JADE1: variants seen among roughly 807,000 people sequenced by gnomAD.
The protein encoded by JADE1 is jade family PHD finger 1.
A neutral mutation model predicts 81.8 loss-of-function variants in JADE1; 14 were observed. That is an observed-to-expected ratio of 0.17 (90% confidence interval 0.11 to 0.27). JADE1 has a LOEUF of 0.27. Among genes scored for constraint, JADE1 ranks in the 10% least tolerant of loss-of-function variants. The pLI is 1.00. For missense variants in JADE1, 690 were observed against 1,047.9 expected, an observed-to-expected ratio of 0.66 and a Z score of 4.71; for synonymous variants, 353 against 391.9, an observed-to-expected ratio of 0.90 and a Z score of 1.17.
At chr4:128,853,549 C>G (rs1473889801) in intron 6 of JADE1, among the ~76,000 whole-genome samples, 1 of 152,202 alleles carries the variant, frequency 6.6e-6, no homozygotes, top group African/African-American at 2.4e-5. Flanking sequence ...TTATGACAAT[C>G]TCAGTGCCTC....
intron 1 of JADE1, among the ~76,000 whole-genome samples, chr4:128,824,695 A>G (rs1727889124): frequency 6.6e-6 from 1 of 152,232 alleles, no homozygotes; most frequent in Non-Finnish European, 1.5e-5. Flanking sequence ...CCAGTAGGTT[A>G]TTTTAATACA....
At position 128,829,107 on chromosome 4, in the gene JADE1, C is replaced by T. The variant is rs527385029; in HGVS notation, c.-26-2626C>T. Among the ~76,000 whole-genome samples the T allele has an allele frequency of 5.3e-5, 8 of 152,276 alleles. No individual in the cohort carries two copies. The East Asian group carries it at 5.8e-4, about 11-fold the overall frequency. On this transcript the variant is annotated intron_variant, in intron 1 of 10. Transcript: ENST00000226319. Reference sequence around the variant, plus strand: ...CTAGAAGGTTGGAGAGCTTACCTGTCTGCAGTTGGTGTTTTTGGCACACAC... The same window carrying T: ...CTAGAAGGTTGGAGAGCTTACCTGTTTGCAGTTGGTGTTTTTGGCACACAC...
At chr4:128,863,411 G>T in intron 9 of JADE1, 1 of 985,616 alleles carries the variant, frequency 1.0e-6, no homozygotes, top group Non-Finnish European at 1.2e-6. Context: ...CTGAAACAGT[G>T]TAGGGAAAGA....
intron 2 of JADE1, among the ~76,000 whole-genome samples, chr4:128,832,612 C>G (rs1728646833): frequency 6.6e-6 from 1 of 152,176 alleles, no homozygotes; most frequent in East Asian, 1.9e-4. Flanking sequence ...AAGAAGAGCT[C>G]TGATGTGAAA....
At chr4:128,835,959 C>A (rs1051795147) in intron 2 of JADE1, among the ~76,000 whole-genome samples, 1 of 152,196 alleles carries the variant, frequency 6.6e-6, no homozygotes, top group African/African-American at 2.4e-5. Context: ...CCTGGAGGCC[C>A]AGCCCTGCAG....
chr4:128,846,591 G>C lies in JADE1; in HGVS notation c.296+59G>C. 5 of 1,566,732 alleles carry C rather than the reference G, an allele frequency of 3.2e-6. No individual in the cohort carries two copies. The highest frequency in any genetic ancestry group is 4.4e-6 in the Non-Finnish European group (5 of 1,145,750). ...CCACCCTTGCTCTTCTTCCCTGACA[G>C]CAGGCATCTGAGAAGAGACAATTTC... On this transcript the variant is annotated intron_variant, in intron 4 of 10. Coordinates refer to ENST00000226319, the MANE Select transcript of JADE1 (RefSeq NM_199320.4). The surrounding 1 kb of genome is among the most constrained non-coding windows in gnomAD (Gnocchi z 4.0).
In JADE1 at chr4:128,826,766, A is replaced by G. The variant is rs140779856; in HGVS notation, c.-26-4967A>G. ...TTCTCCAGAAATTACTGTAATCTTT[A>G]GAGACACACACATGAAACATTTAAG... On this transcript the variant is annotated intron_variant, in intron 1 of 10. Transcript: ENST00000226319. 3.9e-5 allele frequency among the ~76,000 whole-genome samples: 6 copies of G among 152,294 alleles called. No homozygotes were observed. The East Asian group carries it at 9.7e-4, about 25-fold the overall frequency.
chr4:128,861,869 G>T lies in JADE1; in HGVS notation c.1147G>T (p.Ala383Ser). 6.2e-7 allele frequency: 1 copy of T among 1,614,170 alleles called. No individual in the cohort carries two copies. The highest frequency in any genetic ancestry group is 8.5e-7 in the Non-Finnish European group (1 of 1,180,014). ...CGAGGAGAGTCTTGGCAAGGGGGCT[G>T]CACAGGAGAATGGGGCCCCTGAGTG... ...KPEESLGKGA[A>S]QENGAPECSP... Residue 383 changes from alanine to serine, a missense_variant, in exon 9 of 11, where the codon GCA becomes TCA. By Grantham distance (99) the Ala-to-Ser change is moderately conservative (BLOSUM62 1). This residue lies in a region of JADE1 where 77 missense variants were observed against 76.4 expected (regional missense o/e 1.01). Transcript: ENST00000226319.
At chr4:128,868,841 A>G (rs1731978122) in intron 10 of JADE1, among the ~76,000 whole-genome samples, 1 of 152,094 alleles carries the variant, frequency 6.6e-6, no homozygotes, top group South Asian at 2.1e-4. Context: ...CTTAGACTGG[A>G]CTTCATTGGA....
chr4:128,831,237 G>C (rs772656319), intron 1 of JADE1, among the ~76,000 whole-genome samples: 1 of 151,986 alleles, frequency 6.6e-6, no homozygotes, highest in South Asian at 2.1e-4. Flanking sequence ...TGTTTCTTTC[G>C]CCTTTAGGGT....
intron 1 of JADE1, among the ~76,000 whole-genome samples, chr4:128,812,579 C>T (rs1726562874): frequency 6.6e-6 from 1 of 152,212 alleles, no homozygotes; most frequent in African/African-American, 2.4e-5. Flanking sequence ...CAGGATTCCT[C>T]CCGCGCCAGG....
chr4:128,863,022 T>C, intron 9 of JADE1: 1 of 985,514 alleles, frequency 1.0e-6, no homozygotes, highest in Non-Finnish European at 1.2e-6. Context: ...CCAGTCATGC[T>C]CAGCACGCTA....
At chr4:128,827,316 C>G (rs1728166622) in intron 1 of JADE1, among the ~76,000 whole-genome samples, 1 of 152,114 alleles carries the variant, frequency 6.6e-6, no homozygotes, top group African/African-American at 2.4e-5. Flanking sequence ...TGAAAAAGTT[C>G]TAAAAGAGGA....
rs533789728 is a variant in JADE1, at chr4:128,823,126, T to TA, written c.-26-8600dup. 4.7e-4 allele frequency among the ~76,000 whole-genome samples: 71 copies of TA among 152,276 alleles called. No homozygotes were observed. The East Asian group carries it at 0.011, about 24-fold the overall frequency. ...CATTTACTCCCATGTCAAGGGAAGT[T>TA]AAAAAAATACATTCCAAGTACAAAT... On this transcript the variant is annotated intron_variant, in intron 1 of 10. Transcript: ENST00000226319.
At chr4:128,842,166 A>G (rs1729485987) in intron 2 of JADE1, among the ~76,000 whole-genome samples, 1 of 152,176 alleles carries the variant, frequency 6.6e-6, no homozygotes, top group Admixed American at 6.5e-5. Flanking sequence ...CTAGCTATTT[A>G]CTACACCATA....
At position 128,846,626 on chromosome 4, in the gene JADE1, A is replaced by G; in HGVS notation, c.296+94A>G. 7.3e-7 allele frequency: 1 copy of G among 1,364,560 alleles called. No individual in the cohort carries two copies. The highest frequency in any genetic ancestry group is 1.0e-6 in the Non-Finnish European group (1 of 991,978). The allele number at this position is 1,364,560 out of a possible 1,614,324, so 84.5% of individuals were successfully genotyped here. ...GAGAAGAGACAATTTCTGTGGGAAGAGACAGTTTCTGAGTTAGCATTAAAA... is the reference window on the plus strand; with the variant it reads ...GAGAAGAGACAATTTCTGTGGGAAGGGACAGTTTCTGAGTTAGCATTAAAA... On this transcript the variant is annotated intron_variant, in intron 4 of 10. Coordinates refer to ENST00000226319, the MANE Select transcript of JADE1 (RefSeq NM_199320.4). The surrounding 1 kb of genome is among the most constrained non-coding windows in gnomAD (Gnocchi z 4.0).
Position 128,875,075 on chromosome 4 carries a change from T to C in JADE1, c.*2813T>C, listed in dbSNP as rs544116941. On this transcript the variant is annotated 3_prime_UTR_variant, in exon 11 of 11. Coordinates refer to ENST00000226319, the MANE Select transcript of JADE1 (RefSeq NM_199320.4). Reference sequence around the variant, plus strand: ...ATATGTAGAGATGACTATTTTATATTACATGACCCAATCCTGTATTTATTT... The same window carrying C: ...ATATGTAGAGATGACTATTTTATATCACATGACCCAATCCTGTATTTATTT... 6.6e-6 allele frequency: 1 copy of C among 152,660 alleles called. No individual in the cohort carries two copies. Among genetic ancestry groups the C allele is most frequent in the African/African-American group, 2.4e-5 (1 of 41,532 alleles). The allele number at this position is 152,660 out of a possible 1,614,324, so 9.5% of individuals were successfully genotyped here. A position where few individuals can be genotyped will look rare whatever the true frequency, so the allele number is the denominator to read the frequency against.
At chr4:128,816,851 T>A (rs1727080116) in intron 1 of JADE1, among the ~76,000 whole-genome samples, 1 of 152,132 alleles carries the variant, frequency 6.6e-6, no homozygotes, top group African/African-American at 2.4e-5. Context: ...TTGGGCTTAC[T>A]TGTTGAGGGA....
intron 10 of JADE1, among the ~76,000 whole-genome samples, chr4:128,869,572 T>C (rs1278325932): frequency 6.6e-6 from 1 of 152,344 alleles, no homozygotes; most frequent in Admixed American, 6.5e-5. Flanking sequence ...CTGGTTTCAT[T>C]TGAGTTATTT....
Sources: allele counts gnomAD v4.1 joint callset (sites outside exome capture counted in the v4.1 genomes callset), GRCh38; gene constraint gnomAD v4.1.1; regional missense constraint gnomAD v4.1.1; non-coding constraint Gnocchi (gnomAD v3.1); transcripts MANE v1.5; gene names NCBI Gene and HGNC (gene_info 2026-07-23, HGNC 2026-07-21).